Variants in MCOLN2 observed in about 807,000 individuals in gnomAD.
The protein encoded by MCOLN2 is mucolipin TRP cation channel 2.
A neutral mutation model predicts 67.5 loss-of-function variants in MCOLN2; 57 were observed. The observed-to-expected ratio is 0.84, with a 90% CI of 0.68 to 1.05. The LOEUF (loss-of-function observed/expected upper bound fraction) is 1.05. Among genes scored for constraint, MCOLN2 ranks in the 50% least tolerant of loss-of-function variants. The pLI, the probability that MCOLN2 is intolerant of heterozygous loss-of-function variation, is 0.00. For synonymous variants in MCOLN2, 246 were observed against 233.3 expected (o/e 1.05, Z -0.50); for missense variants, 620 against 678.8 (o/e 0.91, Z 0.96).
chr1:84,972,317 C>T (rs1649740986), intron 1 of MCOLN2, among the ~76,000 whole-genome samples: 1 of 152,094 alleles, frequency 6.6e-6, no homozygotes, highest in Admixed American at 6.5e-5. Context: ...GCAATCACAG[C>T]TTTTATGAAT....
rs905791964 is a variant in MCOLN2 at position 84,939,816 on chromosome 1, A to G, written c.961-114T>C. ...AAAAGGACATGGCATTGCCTTTCCA[A>G]TTTGCCAGATCCACCTCGAAAGTGG... On this transcript the variant is annotated intron_variant, in intron 8 of 13. Transcript: ENST00000370608. The G allele has an allele frequency of 2.8e-6, 3 of 1,084,512 alleles. No homozygotes were observed. The African/African-American group carries it at 4.8e-5, about 17-fold the overall frequency. The allele number at this position is 1,084,512 out of a possible 1,614,324, so 67.2% of individuals were successfully genotyped here. A position where few individuals can be genotyped will look rare whatever the true frequency, so the allele number is the denominator to read the frequency against.
chr1:84,974,131 G>A (rs982904368), intron 1 of MCOLN2, among the ~76,000 whole-genome samples: 1 of 152,204 alleles, frequency 6.6e-6, no homozygotes, highest in Non-Finnish European at 1.5e-5. Context: ...ACAGGTCCTT[G>A]TGGTTGGAAC....
At chr1:84,933,445 A>T (rs1240894839) in intron 11 of MCOLN2, among the ~76,000 whole-genome samples, 5 of 152,214 alleles carry the variant, frequency 3.3e-5, no homozygotes, top group Non-Finnish European at 7.3e-5. Flanking sequence ...TCCTCCTCCA[A>T]AAAGACCTAG....
intron 1 of MCOLN2, among the ~76,000 whole-genome samples, chr1:84,972,941 T>C (rs948034380): frequency 1.3e-5 from 2 of 152,176 alleles, no homozygotes; most frequent in Non-Finnish European, 2.9e-5. Flanking sequence ...GCTATTGCCT[T>C]TGGCTTATGT....
intron 7 of MCOLN2, among the ~76,000 whole-genome samples, chr1:84,942,461 A>C (rs1647840265): frequency 6.6e-6 from 1 of 152,236 alleles, no homozygotes; most frequent in South Asian, 2.1e-4. Context: ...GAATTAAAAA[A>C]TACCTACATC....
chr1:84,995,463 T>C (rs1236687213), intron 1 of MCOLN2, among the ~76,000 whole-genome samples: 1 of 152,206 alleles, frequency 6.6e-6, no homozygotes, highest in East Asian at 1.9e-4. Flanking sequence ...GTGATTTAAT[T>C]CTTCAGAACT....
At chr1:84,965,407 C>G in intron 2 of MCOLN2, 142 bp downstream of exon 2, 1 of 813,236 alleles carries the variant, frequency 1.2e-6, no homozygotes, top group Non-Finnish European at 1.9e-6. Context: ...TCAACCTAGC[C>G]TCTGCTCTCC....
rs776524871 is a variant in MCOLN2 at position 84,927,808 on chromosome 1, C to T, written c.1665-1087G>A. ...AGCTTTTATTTTATTTTTTAAGAGG[C>T]GGGGTCTCACTACATTGCCCACGCT... On this transcript the variant is annotated intron_variant, in intron 13 of 13. Coordinates refer to ENST00000370608, the MANE Select transcript of MCOLN2 (RefSeq NM_153259.4). Among the ~76,000 whole-genome samples the T allele has an allele frequency of 2.2e-4, 33 of 152,260 alleles. No homozygotes were observed. The Middle Eastern group carries it at 0.01, about 47-fold the overall frequency.
Position 84,947,098 on chromosome 1 carries a change from AT to A in MCOLN2, c.781del (p.Ile261SerfsTer17). ...GGCATCACTGTCAAAATAGATTTTG[AT>A]TTTGCCACTGTGAGCTTTATTGTCA... Reference protein sequence around the residue: ...IFDNKAHSGKIKIYFDSDAKI... With the variant: ...IFDNKAHSGKXKIYFDSDAKI... On this transcript the variant is annotated frameshift_variant, in exon 7 of 14. Transcript: ENST00000370608. LOFTEE classifies it high-confidence loss of function. 6.2e-7 allele frequency: 1 copy of A among 1,600,592 alleles called. No individual in the cohort carries two copies. Among genetic ancestry groups the A allele is most frequent in the Non-Finnish European group, 8.6e-7 (1 of 1,168,190 alleles).
At chr1:84,986,773 C>T (rs562520085) in intron 1 of MCOLN2, among the ~76,000 whole-genome samples, 9 of 151,864 alleles carry the variant, frequency 5.9e-5, no homozygotes, top group Non-Finnish European at 1.0e-4. Context: ...AACAGACATA[C>T]GAAAAAATGC....
intron 4 of MCOLN2, among the ~76,000 whole-genome samples, chr1:84,953,087 T>A (rs1442272566): frequency 2.0e-5 from 3 of 152,198 alleles, no homozygotes; most frequent in Non-Finnish European, 2.9e-5. Context: ...TAGAATATAG[T>A]ATTGTATCAA....
intron 1 of MCOLN2, among the ~76,000 whole-genome samples, chr1:84,987,651 T>C (rs1326676175): frequency 7.4e-6 from 1 of 134,566 alleles, no homozygotes; most frequent in African/African-American, 2.6e-5. Flanking sequence ...TAGAAATATA[T>C]ACATACATAT....
Position 84,996,975 on chromosome 1 carries a change from G to T in MCOLN2, c.-103C>A. The T allele has an allele frequency of 9.5e-7, 1 of 1,047,954 alleles. No individual in the cohort carries two copies. Among genetic ancestry groups the T allele is most frequent in the Non-Finnish European group, 1.5e-6 (1 of 686,582 alleles). 64.9% of individuals were successfully genotyped at this position (1,047,954 alleles called of 1,614,324 possible). On this transcript the variant is annotated 5_prime_UTR_variant, in exon 1 of 14. Transcript: ENST00000370608. ...TCGCCGTAACGCGTCCGCCGAAGTT[G>T]GAGCCCTGCAAAGCGGGGTTCCCTT...
intron 2 of MCOLN2, among the ~76,000 whole-genome samples, chr1:84,962,438 G>A (rs930637572): frequency 7.2e-5 from 11 of 152,336 alleles, no homozygotes; most frequent in African/African-American, 2.6e-4. Context: ...AGCTGTTTAA[G>A]AGGCTGAGGT....
chr1:84,993,619 C>CTT (rs869075778), intron 1 of MCOLN2, among the ~76,000 whole-genome samples: 299 of 118,474 alleles, frequency 2.5e-3, no homozygotes, highest in Middle Eastern at 4.1e-3. Context: ...TAAATAATGT[C>CTT]TTTTTTTTTT....
intron 6 of MCOLN2, among the ~76,000 whole-genome samples, chr1:84,949,130 G>A (rs182802269): frequency 2.1e-4 from 32 of 152,236 alleles, no homozygotes; most frequent in Admixed American, 1.0e-3. Context: ...ACTCTGTCTC[G>A]ATAAAAATAA....
At chr1:84,985,168 A>G (rs1439826733) in intron 1 of MCOLN2, among the ~76,000 whole-genome samples, 1 of 151,926 alleles carries the variant, frequency 6.6e-6, no homozygotes, top group African/African-American at 2.4e-5. Context: ...ACTTTGTGGT[A>G]CAGATTCTCT....
chr1:84,989,769 T>G (rs1365033819), intron 1 of MCOLN2, among the ~76,000 whole-genome samples: 1 of 152,080 alleles, frequency 6.6e-6, no homozygotes, highest in Non-Finnish European at 1.5e-5. Flanking sequence ...CAGGCAAAAG[T>G]TAACTATCTA....
intron 1 of MCOLN2, among the ~76,000 whole-genome samples, chr1:84,982,807 A>G (rs1381783179): frequency 6.6e-6 from 1 of 152,150 alleles, no homozygotes; most frequent in Non-Finnish European, 1.5e-5. Context: ...GGTTCAAGCA[A>G]TTATCCTGCC....
Sources: gnomAD v4.1 joint callset for allele counts (sites outside exome capture counted in the v4.1 genomes callset) on GRCh38, gnomAD v4.1.1 for gene constraint, MANE v1.5 for transcripts, NCBI Gene and HGNC (gene_info 2026-07-23, HGNC 2026-07-21) for gene names.